Variants in MMP16 observed in about 807,000 individuals in gnomAD.
MMP16 encodes matrix metalloproteinase-16.
MMP16 carries 12 observed loss-of-function variants against 67.8 expected under a neutral mutation model. The ratio of observed to expected loss-of-function variants is 0.18; its 90% CI spans 0.11 to 0.29. MMP16 has a LOEUF of 0.29. Ranked by LOEUF, MMP16 falls within the 10% of genes least tolerant of loss-of-function variation. MMP16 has a pLI of 1.00. For synonymous variants in MMP16, 249 were observed against 255.9 expected (o/e 0.97, Z 0.26); for missense variants, 475 against 765.7 (o/e 0.62, Z 4.48).
chr8:88,214,793 A>G (rs770663598), intron 1 of MMP16, among the ~76,000 whole-genome samples: 33 of 152,154 alleles, frequency 2.2e-4, no homozygotes, highest in Non-Finnish European at 4.4e-4. Context: ...ACCTTTTTAA[A>G]CTGAGAAACA....
intron 6 of MMP16, among the ~76,000 whole-genome samples, chr8:88,103,433 G>A (rs1441531389): frequency 2.6e-5 from 4 of 151,778 alleles, no homozygotes; most frequent in Non-Finnish European, 5.9e-5. Flanking sequence ...GAATAAAAGC[G>A]AATGAATAAA....
At chr8:88,246,637 T>C (rs966270491) in intron 1 of MMP16, among the ~76,000 whole-genome samples, 1 of 152,166 alleles carries the variant, frequency 6.6e-6, no homozygotes, top group African/African-American at 2.4e-5. Context: ...TCCAGAATAG[T>C]ATCAGTTAAA....
chr8:88,050,780 T>C (rs931780986), intron 8 of MMP16, among the ~76,000 whole-genome samples: 2 of 152,208 alleles, frequency 1.3e-5, no homozygotes, highest in Admixed American at 1.3e-4. Context: ...CTGGTGTTCA[T>C]TGTTTGGGTA....
intron 1 of MMP16, among the ~76,000 whole-genome samples, chr8:88,254,976 C>T (rs886745275): frequency 6.6e-5 from 10 of 152,128 alleles, no homozygotes; most frequent in Non-Finnish European, 1.2e-4. Flanking sequence ...TCACAACTTT[C>T]CTGTTAATCT....
At chr8:88,218,147 T>C (rs909772072) in intron 1 of MMP16, among the ~76,000 whole-genome samples, 3 of 152,044 alleles carry the variant, frequency 2.0e-5, no homozygotes, top group Admixed American at 2.0e-4. Context: ...GGGTATTATG[T>C]ATATCCATCC....
chr8:88,234,757 C>T (rs1809914691), intron 1 of MMP16, among the ~76,000 whole-genome samples: 1 of 152,212 alleles, frequency 6.6e-6, no homozygotes, highest in South Asian at 2.1e-4. Context: ...AGGTTACAGA[C>T]TGATGGAAGA....
chr8:88,314,563 G>C (rs1039278871), intron 1 of MMP16, among the ~76,000 whole-genome samples: 1 of 152,166 alleles, frequency 6.6e-6, no homozygotes. Flanking sequence ...TTGTTAAGCT[G>C]AATGAAAGCA....
chr8:88,159,207 T>G (rs150977071), intron 4 of MMP16, among the ~76,000 whole-genome samples: 1 of 152,172 alleles, frequency 6.6e-6, no homozygotes, highest in African/African-American at 2.4e-5. Flanking sequence ...GTGAAGAAAG[T>G]CATTGGTAGC....
intron 1 of MMP16, among the ~76,000 whole-genome samples, chr8:88,295,878 C>T (rs368030871): frequency 7.9e-5 from 12 of 151,988 alleles, no homozygotes; most frequent in African/African-American, 2.9e-4. Context: ...TACCAAGAAC[C>T]CTGTACTGTG....
At chr8:88,126,784 G>T (rs890377583) in intron 4 of MMP16, among the ~76,000 whole-genome samples, 11 of 151,890 alleles carry the variant, frequency 7.2e-5, no homozygotes, top group Admixed American at 6.6e-4. Flanking sequence ...TAACCTCTCT[G>T]CAATTCAGTT....
intron 1 of MMP16, among the ~76,000 whole-genome samples, chr8:88,275,988 A>T (rs1810643445): frequency 6.6e-6 from 1 of 152,136 alleles, no homozygotes; most frequent in African/African-American, 2.4e-5. Context: ...AAAGGTGTCA[A>T]AGATATTCCT....
chr8:88,216,686 CT>C (rs1809600209), intron 1 of MMP16, among the ~76,000 whole-genome samples: 1 of 152,170 alleles, frequency 6.6e-6, no homozygotes, highest in African/African-American at 2.4e-5. Context: ...CAGATATTGT[CT>C]CATAATTATA....
intron 1 of MMP16, among the ~76,000 whole-genome samples, chr8:88,219,220 G>A (rs1809640410): frequency 1.3e-5 from 2 of 151,962 alleles, no homozygotes; most frequent in South Asian, 4.1e-4. Flanking sequence ...ACCTCACAAA[G>A]AAGGTGACAT....
intron 6 of MMP16, among the ~76,000 whole-genome samples, chr8:88,082,549 GTATTC>G (rs991982521): frequency 2.6e-5 from 4 of 152,036 alleles, no homozygotes; most frequent in African/African-American, 9.7e-5. Flanking sequence ...GATAGCAAAT[GTATTC>G]TATCTTCTGT....
At chr8:88,241,922 A>G (rs1810040010) in intron 1 of MMP16, among the ~76,000 whole-genome samples, 1 of 152,168 alleles carries the variant, frequency 6.6e-6, no homozygotes, top group African/African-American at 2.4e-5. Context: ...TAAGACGGAT[A>G]TGAAAAGATA....
At chr8:88,053,974 T>C (rs558931165) in intron 8 of MMP16, among the ~76,000 whole-genome samples, 19 of 152,318 alleles carry the variant, frequency 1.2e-4, no homozygotes, top group African/African-American at 4.3e-4. Context: ...AAAACCCTTT[T>C]CCCATTTTCT....
chr8:88,065,357 T>C (rs1403128297), intron 7 of MMP16, among the ~76,000 whole-genome samples: 1 of 152,026 alleles, frequency 6.6e-6, no homozygotes, highest in Non-Finnish European at 1.5e-5. Flanking sequence ...TAAATGAAAA[T>C]AGACATAATA....
chr8:88,272,869 G>C (rs1168359653), intron 1 of MMP16, among the ~76,000 whole-genome samples: 2 of 152,058 alleles, frequency 1.3e-5, no homozygotes, highest in African/African-American at 4.8e-5. Flanking sequence ...TGGAATATCT[G>C]ACCTCAACAT....
chr8:88,120,220 T>A (rs536017739), intron 4 of MMP16, among the ~76,000 whole-genome samples: 1 of 151,916 alleles, frequency 6.6e-6, no homozygotes, highest in Non-Finnish European at 1.5e-5. Context: ...AAGTTATTCA[T>A]GAAGAGTTAC....
Sources: allele counts gnomAD v4.1 joint callset (sites outside exome capture counted in the v4.1 genomes callset), GRCh38; gene constraint gnomAD v4.1.1; transcripts MANE v1.5; gene names NCBI Gene and HGNC (gene_info 2026-07-23, HGNC 2026-07-21).